Variants in FSTL5 observed in about 807,000 individuals in gnomAD.
The protein encoded by FSTL5 is follistatin like 5.
FSTL5 carries 62 observed loss-of-function variants against 89.1 expected under a neutral mutation model. The observed-to-expected ratio is 0.70, with a 90% CI of 0.57 to 0.86. The LOEUF is 0.86. FSTL5 is among the 40% of genes least tolerant of loss of function. The pLI is 0.00. For missense variants in FSTL5, 1,057 were observed against 1,001.6 expected (o/e 1.06, Z -0.75); for synonymous variants, 383 against 346.2 (o/e 1.11, Z -1.18).
chr4:162,039,426 CA>C (rs947394661), intron 2 of FSTL5, among the ~76,000 whole-genome samples: 25 of 151,738 alleles, frequency 1.6e-4, no homozygotes, highest in African/African-American at 6.0e-4. Context: ...TTTTTAAAAA[CA>C]AGTCAAAATT....
chr4:161,741,904 G>A (rs140422980), intron 6 of FSTL5, among the ~76,000 whole-genome samples: 70 of 151,932 alleles, frequency 4.6e-4, no homozygotes, highest in Non-Finnish European at 7.8e-4. Context: ...CAAGAAGTAT[G>A]ATTTTTTAAT....
intron 15 of FSTL5, among the ~76,000 whole-genome samples, chr4:161,407,379 A>C (rs1405135330): frequency 1.3e-5 from 2 of 152,146 alleles, no homozygotes; most frequent in African/African-American, 2.4e-5. Context: ...AAGAGAGAAA[A>C]CTGAATGAGG....
At chr4:162,155,641 A>T (rs1733437914) in intron 1 of FSTL5, among the ~76,000 whole-genome samples, 1 of 152,228 alleles carries the variant, frequency 6.6e-6, no homozygotes. Context: ...AACAACTCTG[A>T]AAATCACATG....
At chr4:161,994,328 G>C (rs1043050644) in intron 3 of FSTL5, among the ~76,000 whole-genome samples, 8 of 152,110 alleles carry the variant, frequency 5.3e-5, no homozygotes, top group African/African-American at 1.9e-4. Context: ...CTTTGCTATT[G>C]TGAATAGTGC....
intron 13 of FSTL5, among the ~76,000 whole-genome samples, chr4:161,467,241 A>G (rs993362702): frequency 6.6e-6 from 1 of 151,264 alleles, no homozygotes; most frequent in African/African-American, 2.5e-5. Flanking sequence ...GAAATAATTA[A>G]CTAAATTTTG....
intron 3 of FSTL5, among the ~76,000 whole-genome samples, chr4:161,979,945 C>T (rs1440992751): frequency 6.6e-6 from 1 of 151,642 alleles, no homozygotes; most frequent in African/African-American, 2.4e-5. Context: ...AATACAGATG[C>T]CTCCAATGCA....
At chr4:161,725,657 A>G (rs1350347548) in intron 6 of FSTL5, among the ~76,000 whole-genome samples, 2 of 151,848 alleles carry the variant, frequency 1.3e-5, no homozygotes, top group African/African-American at 4.8e-5. Context: ...AATTTTGTCT[A>G]AAAAACATAA....
At chr4:162,126,690 A>C (rs976746716) in intron 1 of FSTL5, among the ~76,000 whole-genome samples, 1 of 152,044 alleles carries the variant, frequency 6.6e-6, no homozygotes, top group East Asian at 1.9e-4. Context: ...AACTTATTTT[A>C]TATTTAACTT....
chr4:161,527,926 A>T (rs1233635705), intron 10 of FSTL5, among the ~76,000 whole-genome samples: 1 of 149,738 alleles, frequency 6.7e-6, no homozygotes, highest in Non-Finnish European at 1.5e-5. Flanking sequence ...CTGGATTAAG[A>T]AAATGTGGCA....
At chr4:162,109,989 G>T (rs1463674209) in intron 2 of FSTL5, among the ~76,000 whole-genome samples, 1 of 151,868 alleles carries the variant, frequency 6.6e-6, no homozygotes, top group Non-Finnish European at 1.5e-5. Context: ...TAGTCCATGA[G>T]GTAGGAGAAA....
intron 4 of FSTL5, among the ~76,000 whole-genome samples, chr4:161,913,598 C>T (rs1304831782): frequency 6.6e-6 from 1 of 152,176 alleles, no homozygotes; most frequent in Non-Finnish European, 1.5e-5. Context: ...GGAAAAGCCA[C>T]AGATACTCAA....
chr4:161,660,677 G>A (rs954564329), intron 6 of FSTL5, among the ~76,000 whole-genome samples: 5 of 151,884 alleles, frequency 3.3e-5, no homozygotes, highest in Admixed American at 1.3e-4. Context: ...CTATGTGTCC[G>A]TGTGTTCTCA....
intron 9 of FSTL5, among the ~76,000 whole-genome samples, chr4:161,539,486 A>G (rs1203803878): frequency 6.6e-6 from 1 of 152,086 alleles, no homozygotes; most frequent in African/African-American, 2.4e-5. Flanking sequence ...AATGCTTACT[A>G]CACACCCTCA....
At chr4:161,836,482 GA>G (rs947127575) in intron 4 of FSTL5, among the ~76,000 whole-genome samples, 20 of 147,270 alleles carry the variant, frequency 1.4e-4, no homozygotes, top group South Asian at 1.3e-3. Flanking sequence ...GAAAAGAAAA[GA>G]AAAAAAAAAG....
At position 161,671,634 on chromosome 4, in the gene FSTL5, T is replaced by A. The variant is rs1737118898; in HGVS notation, c.728-15140A>T. On this transcript the variant is annotated intron_variant, in intron 6 of 15. Coordinates refer to ENST00000306100, the MANE Select transcript of FSTL5 (RefSeq NM_020116.5). ...AAACCTAAGATAATTAGAGAGTGCA[T>A]GAAAATTGCTCTCATTTAGATATGA... is the stretch of plus-strand genomic sequence containing the variant. 3.9e-5 allele frequency among the ~76,000 whole-genome samples: 6 copies of A among 152,252 alleles called. No individual in the cohort carries two copies. In the South Asian group the frequency reaches 1.2e-3, roughly 32 times the overall value.
At chr4:162,141,926 C>T (rs1258265686) in intron 1 of FSTL5, among the ~76,000 whole-genome samples, 1 of 136,052 alleles carries the variant, frequency 7.4e-6, no homozygotes, top group African/African-American at 2.7e-5. Flanking sequence ...AAAGTGTACA[C>T]AGGTAGAAAG....
chr4:161,415,821 GATAT>G (rs60018441), intron 15 of FSTL5, among the ~76,000 whole-genome samples: 36,064 of 139,430 alleles, frequency 0.26, 4,800 homozygotes, highest in Non-Finnish European at 0.29. Context: ...ACATATAGGG[GATAT>G]ATATATATAT....
At chr4:161,714,161 C>A (rs2126743034) in intron 6 of FSTL5, among the ~76,000 whole-genome samples, 1 of 152,202 alleles carries the variant, frequency 6.6e-6, no homozygotes, top group South Asian at 2.1e-4. Flanking sequence ...AGAGCTGTTT[C>A]AGGAGCCTTC....
chr4:161,763,119 T>C (rs139769116), intron 5 of FSTL5, among the ~76,000 whole-genome samples: 1 of 152,256 alleles, frequency 6.6e-6, no homozygotes, highest in Non-Finnish European at 1.5e-5. Flanking sequence ...CTATTCTCCT[T>C]CACTCACTAA....
Sources: gnomAD v4.1 joint callset for allele counts (sites outside exome capture counted in the v4.1 genomes callset) on GRCh38, gnomAD v4.1.1 for gene constraint, MANE v1.5 for transcripts, NCBI Gene and HGNC (gene_info 2026-07-23, HGNC 2026-07-21) for gene names.